DACH2: variants seen among roughly 807,000 people sequenced by gnomAD.
DACH2 encodes the protein dachshund family transcription factor 2, also known as dachshund homolog 2.
A neutral mutation model predicts 35.8 loss-of-function variants in DACH2; 17 were observed. The ratio of observed to expected loss-of-function variants is 0.48; its 90% CI spans 0.33 to 0.71. The LOEUF (loss-of-function observed/expected upper bound fraction) is 0.71. Among genes scored for constraint, DACH2 ranks in the 30% least tolerant of loss-of-function variants. DACH2 has a pLI of 0.02. For synonymous variants in DACH2, 195 were observed against 177.3 expected, an observed-to-expected ratio of 1.10 and a Z score of -0.79; for missense variants, 469 against 472.7, an observed-to-expected ratio of 0.99 and a Z score of 0.07.
chrX:86,647,478 C>T (rs748465018), intron 3 of DACH2, among the ~76,000 whole-genome samples: 14 of 110,447 alleles, frequency 1.3e-4, no homozygotes, highest in Non-Finnish European at 2.7e-4. Context: ...AATAGTCAAA[C>T]TCATGGAAGC....
chrX:86,418,295 C>A (rs1159496471), intron 2 of DACH2, among the ~76,000 whole-genome samples: 1 of 111,920 alleles, frequency 8.9e-6, no homozygotes, highest in Non-Finnish European at 1.9e-5. Context: ...GGTGGTGCCC[C>A]AGCAGGGACT....
At chrX:86,347,953 G>T (rs1160666005) in intron 1 of DACH2, among the ~76,000 whole-genome samples, 1 of 111,732 alleles carries the variant, frequency 8.9e-6, no homozygotes, top group African/African-American at 3.3e-5. Flanking sequence ...GCTTCCAGTT[G>T]TTAAGTATTG....
At chrX:86,193,485 T>A (rs1025468831) in intron 1 of DACH2, among the ~76,000 whole-genome samples, 109 of 112,146 alleles carry the variant, frequency 9.7e-4, no homozygotes, top group African/African-American at 3.5e-3. Context: ...TTCCCCTTAT[T>A]TAAATCATGA....
intron 2 of DACH2, among the ~76,000 whole-genome samples, chrX:86,442,071 T>G (rs1332040672): frequency 2.7e-5 from 3 of 109,791 alleles, no homozygotes; most frequent in Non-Finnish European, 5.7e-5. Context: ...ATTTGCTATG[T>G]TGCACAGGCT....
chrX:86,197,499 C>G (rs2032023500), intron 1 of DACH2, among the ~76,000 whole-genome samples: 1 of 111,241 alleles, frequency 9.0e-6, no homozygotes, highest in East Asian at 2.8e-4. Context: ...CAATGGTATG[C>G]TGTCTTCAAG....
At chrX:86,420,177 T>C (rs1366880673) in intron 2 of DACH2, among the ~76,000 whole-genome samples, 1 of 111,970 alleles carries the variant, frequency 8.9e-6, no homozygotes, top group Non-Finnish European at 1.9e-5. Context: ...CAATCATATA[T>C]ACCTCAATTA....
chrX:86,663,829 A>G (rs17278850), intron 4 of DACH2, among the ~76,000 whole-genome samples: 13,414 of 110,991 alleles, frequency 0.12, 685 homozygotes, highest in East Asian at 0.32. Flanking sequence ...TAAATTGTCA[A>G]GTCTCTCTAG....
chrX:86,358,570 C>T (rs2035683006), intron 1 of DACH2, among the ~76,000 whole-genome samples: 1 of 109,734 alleles, frequency 9.1e-6, no homozygotes, highest in Non-Finnish European at 1.9e-5. Flanking sequence ...ACCCTCTTAT[C>T]ATTAGGCTAC....
At chrX:86,531,500 G>A (rs1170554891) in intron 3 of DACH2, among the ~76,000 whole-genome samples, 2 of 111,931 alleles carry the variant, frequency 1.8e-5, no homozygotes, top group Non-Finnish European at 3.8e-5. Flanking sequence ...GGCACTGCTT[G>A]GGCTGTTCCT....
At chrX:86,787,974 G>A (rs2042154139) in intron 7 of DACH2, among the ~76,000 whole-genome samples, 1 of 111,116 alleles carries the variant, frequency 9.0e-6, no homozygotes, top group African/African-American at 3.3e-5. Flanking sequence ...TGAGAGATTC[G>A]AGTGCACTAC....
At chrX:86,741,448 G>A (rs772959224) in intron 7 of DACH2, among the ~76,000 whole-genome samples, 1 of 111,763 alleles carries the variant, frequency 8.9e-6, no homozygotes, top group African/African-American at 3.2e-5. Flanking sequence ...ATTTTGTTTT[G>A]CTTTTCAGCA....
At chrX:86,704,566 T>C (rs953739745) in intron 5 of DACH2, among the ~76,000 whole-genome samples, 1 of 111,212 alleles carries the variant, frequency 9.0e-6, no homozygotes, top group Non-Finnish European at 1.9e-5. Flanking sequence ...AGGACTAATA[T>C]CCAGATTCTA....
chrX:86,828,071 T>C, intron 11 of DACH2: 3 of 257,681 alleles, frequency 1.2e-5, no homozygotes, highest in Non-Finnish European at 1.4e-5. Context: ...CATTATCACA[T>C]TAATTCACAC....
chrX:86,759,539 A>T (rs1602908600), intron 7 of DACH2, among the ~76,000 whole-genome samples: 1 of 104,417 alleles, frequency 9.6e-6, no homozygotes, highest in Non-Finnish European at 2.0e-5. Flanking sequence ...TCTCATAGGC[A>T]GCATATAGTT....
chrX:86,343,279 T>C, intron 1 of DACH2, among the ~76,000 whole-genome samples: 1 of 111,799 alleles, frequency 8.9e-6, no homozygotes, highest in South Asian at 3.7e-4. Flanking sequence ...TGGAGAGATG[T>C]TTAATTTACA....
intron 1 of DACH2, among the ~76,000 whole-genome samples, chrX:86,288,128 T>C (rs967413708): frequency 5.3e-5 from 6 of 112,644 alleles, no homozygotes; most frequent in Non-Finnish European, 1.1e-4. Context: ...TCTGTGACTC[T>C]TGCAGACTCC....
chrX:86,556,023 A>T (rs896449970), intron 3 of DACH2, among the ~76,000 whole-genome samples: 13 of 111,970 alleles, frequency 1.2e-4, no homozygotes, highest in African/African-American at 3.9e-4. Context: ...TAGCTATTTC[A>T]TCCCACAGAC....
At chrX:86,739,064 C>T (rs1416217344) in intron 6 of DACH2, among the ~76,000 whole-genome samples, 6 of 110,157 alleles carry the variant, frequency 5.4e-5, no homozygotes, top group South Asian at 3.9e-4. Context: ...AGTAGAGACG[C>T]GGTTTCACCA....
intron 7 of DACH2, among the ~76,000 whole-genome samples, chrX:86,808,445 A>G (rs1161464912): frequency 9.0e-6 from 1 of 111,442 alleles, no homozygotes; most frequent in East Asian, 2.8e-4. Flanking sequence ...CCTTAAAGAA[A>G]TACAACAATT....
Sources: allele counts gnomAD v4.1 joint callset (sites outside exome capture counted in the v4.1 genomes callset), GRCh38; gene constraint gnomAD v4.1.1; transcripts MANE v1.5; gene names NCBI Gene and HGNC (gene_info 2026-07-23, HGNC 2026-07-21).